The following NLK variants were observed in gnomAD, a reference collection of about 807,000 sequenced individuals.
NLK encodes nemo like kinase.
A neutral mutation model predicts 59.0 loss-of-function variants in NLK; 11 were observed. The ratio of observed to expected loss-of-function variants is 0.19; its 90% confidence interval spans 0.12 to 0.31. The LOEUF is 0.31. Among genes scored for constraint, NLK ranks in the 10% least tolerant of loss-of-function variants. NLK has a pLI of 1.00. For missense variants in NLK, 410 were observed against 661.1 expected (o/e 0.62, Z 4.16); for synonymous variants, 235 against 235.9 (o/e 1.00, Z 0.03).
intron 7 of NLK, among the ~76,000 whole-genome samples, chr17:28,175,154 G>A (rs886203093): frequency 2.0e-5 from 3 of 152,016 alleles, no homozygotes; most frequent in African/African-American, 4.8e-5. Context: ...GTGATTAAGA[G>A]TGTAGTGTCA....
At chr17:28,118,305 T>G (rs1905869821) in intron 1 of NLK, among the ~76,000 whole-genome samples, 1 of 152,190 alleles carries the variant, frequency 6.6e-6, no homozygotes, top group Non-Finnish European at 1.5e-5. Flanking sequence ...ATTACAACTT[T>G]ATGTGAATAG....
At chr17:28,114,722 T>C (rs1905684830) in intron 1 of NLK, among the ~76,000 whole-genome samples, 1 of 152,230 alleles carries the variant, frequency 6.6e-6, no homozygotes, top group South Asian at 2.1e-4. Context: ...GAATTTGTTT[T>C]TGTGTATAGT....
chr17:28,177,323 G>A (rs1011819071), intron 7 of NLK, among the ~76,000 whole-genome samples: 2 of 152,198 alleles, frequency 1.3e-5, no homozygotes, highest in South Asian at 2.1e-4. Context: ...TCATCTTAAA[G>A]TCACAGATTA....
intron 1 of NLK, among the ~76,000 whole-genome samples, chr17:28,051,678 G>A (rs1909263036): frequency 6.7e-6 from 1 of 149,088 alleles, no homozygotes; most frequent in African/African-American, 2.5e-5. Flanking sequence ...TTTAAACAAT[G>A]GGGTAATAGA....
chr17:28,158,444 T>G (rs1341134817), intron 3 of NLK, among the ~76,000 whole-genome samples: 1 of 152,216 alleles, frequency 6.6e-6, no homozygotes, highest in Non-Finnish European at 1.5e-5. Context: ...TGTGCATTAC[T>G]ATAGACTTTA....
At chr17:28,138,756 AG>A (rs1329045447) in intron 3 of NLK, among the ~76,000 whole-genome samples, 1 of 152,248 alleles carries the variant, frequency 6.6e-6, no homozygotes, top group African/African-American at 2.4e-5. Flanking sequence ...CATAAACATA[AG>A]CATCAACTGT....
intron 1 of NLK, among the ~76,000 whole-genome samples, chr17:28,080,688 C>G (rs1021225743): frequency 4.6e-5 from 7 of 152,166 alleles, no homozygotes; most frequent in African/African-American, 1.4e-4. Flanking sequence ...TTTGCAGTTT[C>G]TCATGGACAG....
rs35246686 is a variant in NLK, at chr17:28,122,048, C to G, written c.459-555C>G. 6.6e-3 allele frequency among the ~76,000 whole-genome samples: 1,001 copies of G among 152,268 alleles called. 17 individuals are homozygous for G. The highest frequency in any genetic ancestry group is 0.022 in the African/African-American group (933 of 41,556). ...TGAGGTTATCATTACTCGGGAGCTA[C>G]AGGGATCCCTAAGCTGGCACCCAGA... On this transcript the variant is annotated intron_variant, in intron 1 of 10. Coordinates refer to ENST00000407008, the MANE Select transcript of NLK (RefSeq NM_016231.5).
intron 1 of NLK, among the ~76,000 whole-genome samples, chr17:28,090,125 T>A (rs535858186): frequency 6.6e-6 from 1 of 152,352 alleles, no homozygotes; most frequent in South Asian, 2.1e-4. Context: ...GTTTGCTATA[T>A]TATTTTAATG....
chr17:28,043,479 T>A, intron 1 of NLK, 148 bp downstream of exon 1: 1 of 689,618 alleles, frequency 1.5e-6, no homozygotes, highest in Non-Finnish European at 2.4e-6. Context: ...ACTTATGTGG[T>A]AAAGAGGCCT....
chr17:28,062,869 C>G (rs1277617958), intron 1 of NLK, among the ~76,000 whole-genome samples: 1 of 152,222 alleles, frequency 6.6e-6, no homozygotes, highest in Non-Finnish European at 1.5e-5. Context: ...GCGTGAGCCA[C>G]TGCACCCTGC....
intron 1 of NLK, among the ~76,000 whole-genome samples, chr17:28,078,746 A>G (rs1325183363): frequency 2.0e-5 from 3 of 152,170 alleles, no homozygotes; most frequent in Non-Finnish European, 4.4e-5. Flanking sequence ...TGTAAACTAC[A>G]TGGTTTATAA....
At chr17:28,175,712 AC>A (rs1381395773) in intron 7 of NLK, among the ~76,000 whole-genome samples, 2 of 152,228 alleles carry the variant, frequency 1.3e-5, no homozygotes, top group Admixed American at 6.5e-5. Context: ...TGTAAGGAGA[AC>A]ATAGAATAGT....
chr17:28,140,615 G>A (rs757231393), intron 3 of NLK, among the ~76,000 whole-genome samples: 66 of 152,180 alleles, frequency 4.3e-4, no homozygotes, highest in Non-Finnish European at 8.5e-4. Flanking sequence ...GTACCAGCAG[G>A]TAATACAAAA....
intron 3 of NLK, among the ~76,000 whole-genome samples, chr17:28,142,178 A>G (rs1029188627): frequency 2.0e-5 from 3 of 152,380 alleles, no homozygotes. Flanking sequence ...AACAATATGT[A>G]GAATGACAGC....
intron 7 of NLK, among the ~76,000 whole-genome samples, chr17:28,182,240 G>C (rs1291859877): frequency 1.3e-5 from 2 of 151,982 alleles, no homozygotes; most frequent in Middle Eastern, 3.2e-3. Context: ...ATGATTCTGA[G>C]GTATCTTCTT....
intron 1 of NLK, among the ~76,000 whole-genome samples, chr17:28,049,157 T>C (rs1909163361): frequency 6.6e-6 from 1 of 152,236 alleles, no homozygotes; most frequent in African/African-American, 2.4e-5. Flanking sequence ...AGGTACCTAG[T>C]GCAGAAACAG....
chr17:28,099,464 G>A lies in NLK; in HGVS notation c.459-23139G>A, dbSNP rs150526217. Among the ~76,000 whole-genome samples, 24 of 151,336 alleles carry A rather than the reference G, an allele frequency of 1.6e-4. No individual in the cohort carries two copies. In the East Asian group the frequency reaches 4.1e-3, roughly 26 times the overall value. On this transcript the variant is annotated intron_variant, in intron 1 of 10. Transcript: ENST00000407008. ...CATCTGCAGCCCCAGGCAACCATTGGTCTAGTTTCTGTCACTATAGTTTTG... is the reference window on the plus strand; with the variant it reads ...CATCTGCAGCCCCAGGCAACCATTGATCTAGTTTCTGTCACTATAGTTTTG...
intron 3 of NLK, among the ~76,000 whole-genome samples, chr17:28,141,895 C>A (rs1179319963): frequency 6.6e-6 from 1 of 152,140 alleles, no homozygotes; most frequent in East Asian, 1.9e-4. Flanking sequence ...CTATTCCAGT[C>A]ACTTTGGCTT....
Sources: gnomAD v4.1 joint callset for allele counts (sites outside exome capture counted in the v4.1 genomes callset) on GRCh38, gnomAD v4.1.1 for gene constraint, MANE v1.5 for transcripts, NCBI Gene and HGNC (gene_info 2026-07-23, HGNC 2026-07-21) for gene names.